The following AGL variants were observed in gnomAD, a reference collection of about 807,000 sequenced individuals.
AGL encodes glycogen debranching enzyme.
A neutral mutation model predicts 199.3 loss-of-function variants in AGL; 128 were observed. That is an observed-to-expected ratio of 0.64 (90% CI 0.56 to 0.74). The LOEUF (loss-of-function observed/expected upper bound fraction) is 0.74, where lower values mean the gene tolerates loss of function less well. Ranked by LOEUF, AGL falls within the 30% of genes least tolerant of loss-of-function variation. The pLI is 0.00. For missense variants in AGL, 1,809 were observed against 1,820.8 expected (o/e 0.99, Z 0.12); for synonymous variants, 584 against 594.7 (o/e 0.98, Z 0.26).
chr1:99,867,680 C>T (rs1650638677), intron 5 of AGL, among the ~76,000 whole-genome samples: 1 of 151,842 alleles, frequency 6.6e-6, no homozygotes. Flanking sequence ...CTCAGCCTCC[C>T]GAGTAGTTGG....
intron 26 of AGL, 116 bp downstream of exon 26, chr1:99,900,977 A>C (rs1308976428): frequency 2.0e-6 from 2 of 1,010,754 alleles, no homozygotes; most frequent in African/African-American, 1.6e-5. Context: ...GAATTATTCA[A>C]ATGTCAGTAT....
In AGL at chr1:99,915,462, T is replaced by C; in HGVS notation, c.4235T>C (p.Leu1412Pro). 3 of 1,613,242 alleles carry C rather than the reference T, an allele frequency of 1.9e-6. No homozygotes were observed. Among genetic ancestry groups the C allele is most frequent in the Non-Finnish European group, 2.5e-6 (3 of 1,179,266 alleles). The change falls in exon 31 of 34, where the codon CTT becomes CCT. Residue 1412 changes from leucine to proline, a missense_variant. Leu to Pro is a moderately conservative substitution (Grantham distance 98, BLOSUM62 -3). Coordinates refer to ENST00000361915, the MANE Select transcript of AGL (RefSeq NM_000642.3). Reference protein sequence around the residue: ...EIAEKKLLGPLGMKTLDPDDM... With the variant: ...EIAEKKLLGPPGMKTLDPDDM... Reference sequence around the variant, plus strand: ...GCAGAAAAAAAATTGCTTGGTCCCCTTGGCATGAAAACTTTAGATCCAGAG... The same window carrying C: ...GCAGAAAAAAAATTGCTTGGTCCCCCTGGCATGAAAACTTTAGATCCAGAG...
intron 5 of AGL, among the ~76,000 whole-genome samples, chr1:99,869,647 C>T (rs887413743): frequency 2.6e-5 from 4 of 152,186 alleles, no homozygotes; most frequent in Admixed American, 1.3e-4. Flanking sequence ...GTGTATTTAA[C>T]TGCTTAGAAC....
In AGL at chr1:99,888,159, C is replaced by G. The variant is rs746328906; in HGVS notation, c.2812+51C>G. Reference sequence around the variant, plus strand: ...CTTTGTGTTTTTCTTTTAGGGTCATCTGGTGTCTTCTTTACAGACATAGAT... The same window carrying G: ...CTTTGTGTTTTTCTTTTAGGGTCATGTGGTGTCTTCTTTACAGACATAGAT... On this transcript the variant is annotated intron_variant, in intron 21 of 33. Transcript: ENST00000361915. 4 of 1,604,024 alleles carry G rather than the reference C, an allele frequency of 2.5e-6. No homozygotes were observed. In the Admixed American group the frequency reaches 5.0e-5, roughly 20 times the overall value.
intron 23 of AGL, 119 bp from the exon 24 acceptor site, chr1:99,892,313 A>T: frequency 1.1e-6 from 1 of 912,396 alleles, no homozygotes; most frequent in Non-Finnish European, 1.7e-6. Flanking sequence ...AATGTTAAGT[A>T]ATATTACTAT....
rs757542271 is a variant in AGL, at chr1:99,861,513, A to G, written c.93A>G (p.Leu31=). The G allele has an allele frequency of 2.0e-5, 33 of 1,613,954 alleles. No homozygotes were observed. Among genetic ancestry groups the G allele is most frequent in the Non-Finnish European group, 2.7e-5 (32 of 1,179,878 alleles). ...TLFRLEQGYE[L]QFRLGPTLQG... is the part of the protein sequence containing the mutation. ...GTGCTTTTTATTTAGGGTATGAGCT[A>G]CAGTTCCGATTAGGCCCAACTTTAC... is the stretch of plus-strand genomic sequence containing the variant. Residue 31 remains leucine, a synonymous_variant, in exon 3 of 34, where the codon CTA becomes CTG. Coordinates refer to ENST00000361915, the MANE Select transcript of AGL (RefSeq NM_000642.3).
chr1:99,911,049 G>C (rs556641894), intron 28 of AGL, among the ~76,000 whole-genome samples: 1 of 152,008 alleles, frequency 6.6e-6, no homozygotes, highest in Admixed American at 6.6e-5. Flanking sequence ...GTTCTTTTCT[G>C]TAAGTGCTCG....
At chr1:99,899,874 C>T (rs1202433709) in intron 25 of AGL, among the ~76,000 whole-genome samples, 2 of 151,986 alleles carry the variant, frequency 1.3e-5, no homozygotes, top group Admixed American at 6.6e-5. Context: ...CCCGCCTCAG[C>T]CTCCCAAAGT....
At chr1:99,861,414 GT>G (rs1418854739) in intron 2 of AGL, 88 bp from the exon 3 acceptor site, 1 of 1,582,052 alleles carries the variant, frequency 6.3e-7, no homozygotes, top group African/African-American at 1.4e-5. Context: ...AAAAATCAAG[GT>G]TTTTTAATAC....
At chr1:99,874,508 C>A (rs980124393) in intron 7 of AGL, 179 bp from the exon 8 acceptor site, 3 of 613,782 alleles carry the variant, frequency 4.9e-6, no homozygotes, top group Non-Finnish European at 8.5e-6. Flanking sequence ...CGCGTGCACG[C>A]ACGTGCACAC....
chr1:99,894,045 A>G (rs1288764722), intron 24 of AGL, among the ~76,000 whole-genome samples: 1 of 152,074 alleles, frequency 6.6e-6, no homozygotes. Flanking sequence ...AAAATTAGCC[A>G]GGCATGGTGG....
intron 29 of AGL, among the ~76,000 whole-genome samples, chr1:99,913,111 T>G (rs915193116): frequency 6.6e-6 from 1 of 152,004 alleles, no homozygotes; most frequent in African/African-American, 2.4e-5. Flanking sequence ...TCCCAGCTAC[T>G]TGAGAGGCTG....
At chr1:99,852,443 C>A (rs1208999719) in intron 2 of AGL, 2 of 490,934 alleles carry the variant, frequency 4.1e-6, no homozygotes, top group East Asian at 3.6e-5. Context: ...GATCATGGCT[C>A]AGTGCTGCCT....
intron 27 of AGL, among the ~76,000 whole-genome samples, chr1:99,907,124 C>G (rs957768771): frequency 4.6e-5 from 7 of 152,058 alleles, no homozygotes; most frequent in African/African-American, 1.7e-4. Context: ...TGTTAACCAT[C>G]TTTTTATATG....
chr1:99,863,519 C>T (rs1383953778), intron 4 of AGL, among the ~76,000 whole-genome samples: 3 of 152,102 alleles, frequency 2.0e-5, no homozygotes, highest in African/African-American at 7.2e-5. Flanking sequence ...TTGGCGCAAT[C>T]TCGGCTCACT....
At chr1:99,882,188 G>T (rs957359331) in intron 17 of AGL, among the ~76,000 whole-genome samples, 3 of 150,758 alleles carry the variant, frequency 2.0e-5, no homozygotes, top group Non-Finnish European at 3.0e-5. Context: ...TATTTTTACT[G>T]CATGGAACAA....
chr1:99,910,278 T>G (rs769880922), intron 27 of AGL, among the ~76,000 whole-genome samples: 5 of 152,190 alleles, frequency 3.3e-5, no homozygotes, highest in Non-Finnish European at 2.9e-5. Flanking sequence ...TATTCCACAC[T>G]CTATGTCCAT....
chr1:99,851,472 T>A (rs1195231629), intron 2 of AGL, among the ~76,000 whole-genome samples: 1 of 152,242 alleles, frequency 6.6e-6, no homozygotes, highest in Non-Finnish European at 1.5e-5. Context: ...TATGTAATTT[T>A]GCTTTGGGTA....
intron 2 of AGL, among the ~76,000 whole-genome samples, chr1:99,857,271 G>A (rs1450413359): frequency 2.0e-5 from 3 of 151,690 alleles, no homozygotes; most frequent in Non-Finnish European, 4.4e-5. Context: ...GGGCAGAGAC[G>A]CTCCTCACTT....
Sources: gnomAD v4.1 joint callset for allele counts (sites outside exome capture counted in the v4.1 genomes callset) on GRCh38, gnomAD v4.1.1 for gene constraint, MANE v1.5 for transcripts, NCBI Gene and HGNC (gene_info 2026-07-23, HGNC 2026-07-21) for gene names.